Variants in BCL2 observed in about 807,000 individuals in gnomAD.
BCL2 encodes apoptosis regulator Bcl-2.
A neutral mutation model predicts 14.2 loss-of-function variants in BCL2; 1 was observed. The observed-to-expected ratio is 0.07, with a 90% CI of 0.02 to 0.33. The LOEUF (loss-of-function observed/expected upper bound fraction) is 0.33, where lower values mean the gene tolerates loss of function less well. Ranked by LOEUF, BCL2 falls within the 10% of genes least tolerant of loss-of-function variation. The pLI, the probability that BCL2 is intolerant of heterozygous loss-of-function variation, is 0.99. For missense variants in BCL2, 247 were observed against 305.9 expected, an observed-to-expected ratio of 0.81 and a Z score of 1.44; for synonymous variants, 151 against 137.2, an observed-to-expected ratio of 1.10 and a Z score of -0.70.
chr18:63,218,910 G>T (rs559720410), intron 2 of BCL2, among the ~76,000 whole-genome samples: 1 of 151,226 alleles, frequency 6.6e-6, no homozygotes, highest in South Asian at 2.1e-4. Flanking sequence ...CTCATTTCTG[G>T]CTCCTTTTTC....
intron 2 of BCL2, among the ~76,000 whole-genome samples, chr18:63,247,715 G>A (rs1258301187): frequency 6.6e-6 from 1 of 152,092 alleles, no homozygotes; most frequent in Non-Finnish European, 1.5e-5. Context: ...GTCATGAGAG[G>A]TCAGGAGTGA....
In BCL2 at chr18:63,317,559, C is replaced by T. The variant is rs1017486547; in HGVS notation, c.585+523G>A. On this transcript the variant is annotated intron_variant, in intron 2 of 2. Transcript: ENST00000333681. ...GTTTTCCTCTTTTGGAAAATTTTAC[C>T]GATTGATGATGCCCTTGGTCTTCTG... is the stretch of plus-strand genomic sequence containing the variant. 6.3e-5 allele frequency: 62 copies of T among 987,284 alleles called. No homozygotes were observed. In the African/African-American group the frequency reaches 9.8e-4, roughly 16 times the overall value. The allele number at this position is 987,284 out of a possible 1,614,324, so 61.2% of individuals were successfully genotyped here. A position where few individuals can be genotyped will look rare whatever the true frequency, so the allele number is the denominator to read the frequency against.
intron 2 of BCL2, among the ~76,000 whole-genome samples, chr18:63,234,088 T>G (rs1011598892): frequency 2.6e-5 from 4 of 152,222 alleles, no homozygotes; most frequent in African/African-American, 9.6e-5. Flanking sequence ...AAAATTTAAT[T>G]TTATTTTATT....
At chr18:63,154,264 G>A (rs973334578) in intron 2 of BCL2, among the ~76,000 whole-genome samples, 3 of 152,042 alleles carry the variant, frequency 2.0e-5, no homozygotes, top group East Asian at 1.9e-4. Context: ...CCTCTTTCTG[G>A]TCTTACAGAA....
intron 2 of BCL2, among the ~76,000 whole-genome samples, chr18:63,250,841 T>C (rs2156191): frequency 7.2e-5 from 11 of 152,340 alleles, no homozygotes; most frequent in Admixed American, 5.2e-4. Flanking sequence ...TAATCAAATT[T>C]AATAAAATAT....
At chr18:63,226,719 T>G (rs1910559009) in intron 2 of BCL2, among the ~76,000 whole-genome samples, 2 of 151,994 alleles carry the variant, frequency 1.3e-5, no homozygotes, top group African/African-American at 2.4e-5. Context: ...TTATAGGAGC[T>G]TGGAGAAACA....
intron 2 of BCL2, among the ~76,000 whole-genome samples, chr18:63,277,173 C>T (rs756596369): frequency 6.6e-6 from 1 of 152,210 alleles, no homozygotes; most frequent in Non-Finnish European, 1.5e-5. Context: ...TTCCCTTCCT[C>T]TGTCCCTGAC....
At position 63,169,409 on chromosome 18, in the gene BCL2, T is replaced by TTCTC. The variant is rs139297674; in HGVS notation, c.586-40654_586-40651dup. ...TTTCTTTTTCTTTCTTTCTTTTTCT[T>TTCTC]TCTCTCTCTCTCTCTCTCTTTCTTT... On this transcript the variant is annotated intron_variant, in intron 2 of 2. Coordinates refer to ENST00000333681, the MANE Select transcript of BCL2 (RefSeq NM_000633.3). 1.6e-4 allele frequency among the ~76,000 whole-genome samples: 18 copies of TTCTC among 112,738 alleles called. 2 individuals are homozygous for TTCTC. Among genetic ancestry groups the TTCTC allele is most frequent in the Admixed American group, 1.2e-3 (13 of 11,110 alleles). The allele number at this position is 112,738 out of a possible 152,430, so 74.0% of individuals were successfully genotyped here.
chr18:63,197,206 A>T (rs1355138072), intron 2 of BCL2, among the ~76,000 whole-genome samples: 1 of 152,188 alleles, frequency 6.6e-6, no homozygotes, highest in East Asian at 1.9e-4. Flanking sequence ...ATGCTGCATG[A>T]CCTTCAGAGT....
chr18:63,150,118 A>G (rs754586280), intron 2 of BCL2, among the ~76,000 whole-genome samples: 5 of 152,158 alleles, frequency 3.3e-5, no homozygotes, highest in Non-Finnish European at 5.9e-5. Context: ...CCTGACCTCA[A>G]GTGATCCTCC....
Position 63,280,257 on chromosome 18 carries a change from C to T in BCL2, c.585+37825G>A, listed in dbSNP as rs527937039. 2.0e-5 allele frequency among the ~76,000 whole-genome samples: 3 copies of T among 152,182 alleles called. No homozygotes were observed. The South Asian group carries it at 6.2e-4, about 32-fold the overall frequency. ...CCCCTGCCACTGACTAATTGTATGA[C>T]CTTGAATGAGTTATTTAAACTTTCA... On this transcript the variant is annotated intron_variant, in intron 2 of 2. Coordinates refer to ENST00000333681, the MANE Select transcript of BCL2 (RefSeq NM_000633.3).
In BCL2 at chr18:63,319,421, C is replaced by T. The variant is rs1219692363; in HGVS notation, c.-534G>A. 2 of 227,350 alleles carry T rather than the reference C, an allele frequency of 8.8e-6. No individual in the cohort carries two copies. The highest frequency in any genetic ancestry group is 6.2e-5 in the East Asian group (1 of 16,014). 14.1% of individuals were successfully genotyped at this position (227,350 alleles called of 1,614,324 possible). A position where few individuals can be genotyped will look rare whatever the true frequency, so the allele number is the denominator to read the frequency against. On this transcript the variant is annotated 5_prime_UTR_variant, in exon 1 of 3. Transcript: ENST00000333681. Reference sequence around the variant, plus strand: ...ATCCCAACCGGAGATCTCAAGAGCTCGAGAAAAAAAAAAGGCAGCGGCGGC... The same window carrying T: ...ATCCCAACCGGAGATCTCAAGAGCTTGAGAAAAAAAAAAGGCAGCGGCGGC...
intron 2 of BCL2, among the ~76,000 whole-genome samples, chr18:63,297,212 CA>C (rs886702866): frequency 6.4e-5 from 9 of 140,898 alleles, no homozygotes; most frequent in Admixed American, 2.9e-4. Flanking sequence ...AACTCTGTCT[CA>C]AAAAAAAAAG....
chr18:63,188,834 A>G (rs953791031), intron 2 of BCL2, among the ~76,000 whole-genome samples: 2 of 152,056 alleles, frequency 1.3e-5, no homozygotes, highest in East Asian at 1.9e-4. Flanking sequence ...CAATAAAATA[A>G]TATTATCCAT....
At chr18:63,292,073 A>G (rs184491215) in intron 2 of BCL2, among the ~76,000 whole-genome samples, 222 of 152,292 alleles carry the variant, frequency 1.5e-3, no homozygotes, top group African/African-American at 5.1e-3. Flanking sequence ...GTAAGACCTA[A>G]CGAATGACTT....
At chr18:63,213,852 G>A (rs749082667) in intron 2 of BCL2, among the ~76,000 whole-genome samples, 5 of 152,002 alleles carry the variant, frequency 3.3e-5, no homozygotes, top group Non-Finnish European at 5.9e-5. Context: ...AATCTACAGG[G>A]CCCACCTCAA....
chr18:63,294,701 C>T (rs1279093257), intron 2 of BCL2, among the ~76,000 whole-genome samples: 1 of 151,754 alleles, frequency 6.6e-6, no homozygotes, highest in East Asian at 1.9e-4. Context: ...TAGTTAAATT[C>T]TTATGTCATT....
intron 2 of BCL2, among the ~76,000 whole-genome samples, chr18:63,197,320 G>A (rs984904402): frequency 4.6e-5 from 7 of 152,184 alleles, no homozygotes; most frequent in Non-Finnish European, 1.0e-4. Context: ...TGGAGCAAAT[G>A]CTCGTACCTG....
intron 2 of BCL2, among the ~76,000 whole-genome samples, chr18:63,232,475 A>T (rs1910716079): frequency 6.6e-6 from 1 of 152,230 alleles, no homozygotes; most frequent in East Asian, 1.9e-4. Flanking sequence ...CAAAGTCTAG[A>T]GTCAGGTAAT....
Sources: allele counts gnomAD v4.1 joint callset (sites outside exome capture counted in the v4.1 genomes callset), GRCh38; gene constraint gnomAD v4.1.1; transcripts MANE v1.5; gene names NCBI Gene and HGNC (gene_info 2026-07-23, HGNC 2026-07-21).